Variants in FERRY3 observed in about 807,000 individuals in gnomAD.
FERRY3 encodes FERRY endosomal RAB5 effector complex subunit 3, also known as protein C12orf4.
chr12:4,511,597 G>T, the FERRY3 span, among the ~76,000 whole-genome samples: 3 of 149,036 alleles, frequency 2.0e-5, no homozygotes, highest in African/African-American at 5.0e-5. Context: ...ACTCAAAGCC[G>T]CTCAACTACA....
the FERRY3 span, chr12:4,534,286 C>T: frequency 2.1e-5 from 33 of 1,608,974 alleles, 1 homozygote; most frequent in South Asian, 3.2e-4. Flanking sequence ...TAAACTGAGT[C>T]AGAGCTTCTT....
the FERRY3 span, among the ~76,000 whole-genome samples, chr12:4,515,421 T>C: frequency 6.6e-6 from 1 of 152,316 alleles, no homozygotes; most frequent in East Asian, 1.9e-4. Context: ...CACCTAAATG[T>C]ACACACATAC....
the FERRY3 span, chr12:4,518,069 C>T: frequency 6.2e-7 from 1 of 1,606,918 alleles, no homozygotes; most frequent in Non-Finnish European, 8.5e-7. Context: ...TCTTTTAATA[C>T]CACTATATGA....
chr12:4,505,242 T>G, the FERRY3 span: 1 of 981,004 alleles, frequency 1.0e-6, no homozygotes, highest in Non-Finnish European at 1.6e-6. Flanking sequence ...ATTCCTATGG[T>G]GTGCATTATA....
chr12:4,524,109 T>C, the FERRY3 span, among the ~76,000 whole-genome samples: 1 of 152,130 alleles, frequency 6.6e-6, no homozygotes, highest in Non-Finnish European at 1.5e-5. Flanking sequence ...GGGATAACTT[T>C]CACAGCAAAG....
the FERRY3 span, chr12:4,505,244 T>C: frequency 9.9e-7 from 1 of 1,009,488 alleles, no homozygotes; most frequent in East Asian, 2.4e-5. Context: ...TCCTATGGTG[T>C]GCATTATAAA....
chr12:4,524,436 T>C, the FERRY3 span, among the ~76,000 whole-genome samples: 1 of 151,564 alleles, frequency 6.6e-6, no homozygotes, highest in Admixed American at 6.6e-5. Flanking sequence ...CATCCATTCA[T>C]CCCATAAATT....
At chr12:4,504,519 A>G in the FERRY3 span, among the ~76,000 whole-genome samples, 1 of 152,186 alleles carries the variant, frequency 6.6e-6, no homozygotes, top group Non-Finnish European at 1.5e-5. Flanking sequence ...GAAAAACGTA[A>G]GAGGAAATGA....
At chr12:4,514,746 G>A in the FERRY3 span, among the ~76,000 whole-genome samples, 35 of 129,270 alleles carry the variant, frequency 2.7e-4, no homozygotes, top group Admixed American at 3.0e-3. Flanking sequence ...GGACTGTGGT[G>A]GGGTGGGGGG....
the FERRY3 span, among the ~76,000 whole-genome samples, chr12:4,524,362 A>C: frequency 6.6e-6 from 1 of 152,160 alleles, no homozygotes; most frequent in African/African-American, 2.4e-5. Flanking sequence ...AAAAACTGTA[A>C]TATTTAGATA....
the FERRY3 span, among the ~76,000 whole-genome samples, chr12:4,526,341 C>T: frequency 1.3e-5 from 2 of 151,962 alleles, no homozygotes; most frequent in African/African-American, 4.8e-5. Context: ...AGCTGTACAC[C>T]CACAGTTTGT....
the FERRY3 span, chr12:4,518,834 C>T: frequency 6.3e-7 from 1 of 1,593,946 alleles, no homozygotes; most frequent in Non-Finnish European, 8.5e-7. Context: ...CTTCCAATTG[C>T]TTCTACAGAT....
chr12:4,488,096 T>G, the FERRY3 span: 2 of 152,222 alleles, frequency 1.3e-5, no homozygotes, highest in South Asian at 2.1e-4. The surrounding 1 kb of genome is among the most constrained non-coding windows in gnomAD (Gnocchi z 4.9). Context: ...CCAATTTTAC[T>G]ACTTCTGTAA....
the FERRY3 span, among the ~76,000 whole-genome samples, chr12:4,505,843 G>A: frequency 1.3e-5 from 2 of 152,168 alleles, no homozygotes; most frequent in Non-Finnish European, 2.9e-5. Context: ...CTGAGTCACT[G>A]TTGTTGATAT....
chr12:4,497,925 C>T, the FERRY3 span, among the ~76,000 whole-genome samples: 1 of 152,180 alleles, frequency 6.6e-6, no homozygotes, highest in Non-Finnish European at 1.5e-5. Flanking sequence ...GGGATGCTTG[C>T]ACCAAAGCTA....
chr12:4,525,263 C>G, the FERRY3 span: 1 of 1,613,168 alleles, frequency 6.2e-7, no homozygotes, highest in Non-Finnish European at 8.5e-7. Flanking sequence ...CCTAAGGGAG[C>G]TGTTGTTGGG....
chr12:4,511,394 T>C, the FERRY3 span, among the ~76,000 whole-genome samples: 2 of 152,202 alleles, frequency 1.3e-5, no homozygotes, highest in African/African-American at 2.4e-5. Context: ...GTGGACCTAA[T>C]AGACATCTAC....
At chr12:4,516,572 G>C in the FERRY3 span, among the ~76,000 whole-genome samples, 1 of 152,160 alleles carries the variant, frequency 6.6e-6, no homozygotes, top group Non-Finnish European at 1.5e-5. Context: ...GACATGGATG[G>C]AGCTGGAAAC....
chr12:4,529,032 G>A, the FERRY3 span, among the ~76,000 whole-genome samples: 2 of 151,866 alleles, frequency 1.3e-5, no homozygotes, highest in Non-Finnish European at 2.9e-5. Flanking sequence ...TCTTAAATAA[G>A]TGTTTTTAAG....
Sources: allele counts gnomAD v4.1 joint callset (sites outside exome capture counted in the v4.1 genomes callset), GRCh38; gene constraint gnomAD v4.1.1; non-coding constraint Gnocchi (gnomAD v3.1); transcripts MANE v1.5; gene names NCBI Gene and HGNC (gene_info 2026-07-23, HGNC 2026-07-21).